Variants in USP34 observed in about 807,000 individuals in gnomAD.
USP34 encodes the protein ubiquitin carboxyl-terminal hydrolase 34.
Under a neutral mutation model 460.3 loss-of-function variants are expected in USP34, and 70 were observed. The observed-to-expected ratio is 0.15, with a 90% CI of 0.13 to 0.19. The LOEUF is 0.19. USP34 is among the 10% of genes least tolerant of loss of function. The probability of loss-of-function intolerance (pLI) is 1.00; values close to 1 mark genes in which losing one functional copy is unlikely to be tolerated. For synonymous variants in USP34, 1,647 were observed against 1,405.3 expected (o/e 1.17, Z -3.85); for missense variants, 3,985 against 4,236.2 (o/e 0.94, Z 1.65).
intron 35 of USP34, among the ~76,000 whole-genome samples, chr2:61,283,908 T>C (rs1268951434): frequency 7.8e-6 from 1 of 128,988 alleles, no homozygotes; most frequent in Non-Finnish European, 1.6e-5. Context: ...GAATAATGGT[T>C]ACCAGAGGCT....
intron 1 of USP34, among the ~76,000 whole-genome samples, chr2:61,422,584 T>G (rs964799531): frequency 2.6e-5 from 4 of 152,248 alleles, no homozygotes; most frequent in Non-Finnish European, 5.9e-5. Flanking sequence ...GTGGTCACTT[T>G]CACAATTTCT....
chr2:61,193,068 T>C (rs1282357894), intron 75 of USP34, 88 bp from the exon 76 acceptor site: 2 of 1,025,434 alleles, frequency 2.0e-6, no homozygotes, highest in Non-Finnish European at 2.9e-6. Flanking sequence ...ATTACAGCTA[T>C]TTCTAGTCAT....
At chr2:61,270,594 C>A (rs980047530) in intron 41 of USP34, among the ~76,000 whole-genome samples, 1 of 152,154 alleles carries the variant, frequency 6.6e-6, no homozygotes, top group Admixed American at 6.5e-5. Flanking sequence ...CACCGCCATG[C>A]CTGGCTAATT....
At chr2:61,400,151 C>G (rs1693670870) in intron 3 of USP34, among the ~76,000 whole-genome samples, 1 of 151,078 alleles carries the variant, frequency 6.6e-6, no homozygotes, top group Admixed American at 6.6e-5. Flanking sequence ...ATTCTGTTGC[C>G]CAGGCTGGAG....
chr2:61,216,467 G>C (rs926742488), intron 67 of USP34, among the ~76,000 whole-genome samples: 3 of 152,014 alleles, frequency 2.0e-5, no homozygotes, highest in Non-Finnish European at 2.9e-5. Flanking sequence ...AGGCGTGGTG[G>C]TGAGCGCCTG....
chr2:61,235,997 C>CA (rs1277800526), intron 56 of USP34, 29 bp downstream of exon 56: 10 of 1,597,306 alleles, frequency 6.3e-6, no homozygotes, highest in Admixed American at 3.6e-5. Context: ...ACATAAATGA[C>CA]AAAAAAATCC....
chr2:61,292,377 C>A (rs1221524547), intron 33 of USP34, among the ~76,000 whole-genome samples: 1 of 152,112 alleles, frequency 6.6e-6, no homozygotes, highest in Non-Finnish European at 1.5e-5. Flanking sequence ...GCATCTTGGG[C>A]ATTATAAAGC....
intron 33 of USP34, 111 bp downstream of exon 33, chr2:61,293,353 C>A: frequency 3.0e-6 from 2 of 676,754 alleles, no homozygotes; most frequent in South Asian, 2.7e-5. Flanking sequence ...TGCTATATTC[C>A]ATACTTTATT....
At chr2:61,312,319 G>A (rs1012596422) in intron 25 of USP34, among the ~76,000 whole-genome samples, 1 of 151,838 alleles carries the variant, frequency 6.6e-6, no homozygotes, top group African/African-American at 2.4e-5. Context: ...TTCAGGGACA[G>A]AAACATTCTG....
chr2:61,446,955 C>T (rs1231212822), intron 1 of USP34, among the ~76,000 whole-genome samples: 1 of 151,832 alleles, frequency 6.6e-6, no homozygotes, highest in Non-Finnish European at 1.5e-5. Flanking sequence ...CATTACACAG[C>T]ATCAGAAAAT....
At chr2:61,373,762 C>A (rs1173616224) in intron 8 of USP34, among the ~76,000 whole-genome samples, 2 of 152,098 alleles carry the variant, frequency 1.3e-5, no homozygotes, top group Non-Finnish European at 2.9e-5. Context: ...AACCCTTGGC[C>A]CTACAGGAAA....
chr2:61,395,517 G>A (rs529906122), intron 3 of USP34, among the ~76,000 whole-genome samples: 1 of 147,760 alleles, frequency 6.8e-6, no homozygotes, highest in Non-Finnish European at 1.5e-5. Flanking sequence ...TTAAAATCCC[G>A]GCCGGACGCG....
chr2:61,272,287 T>C (rs898139362), intron 41 of USP34, among the ~76,000 whole-genome samples: 2 of 151,916 alleles, frequency 1.3e-5, no homozygotes, highest in Non-Finnish European at 2.9e-5. Context: ...GGCGGGCACC[T>C]GTAGTCCCAG....
Position 61,266,217 on chromosome 2 carries a change from T to G in USP34, c.5434-50A>C, listed in dbSNP as rs746667115. On this transcript the variant is annotated intron_variant, in intron 41 of 79. Coordinates refer to ENST00000398571, the MANE Select transcript of USP34 (RefSeq NM_014709.4). ...ATCTAAACTGAGATATTAATTACAT[T>G]CCAAATATAGTTAACATATACACAG... 6 of 1,520,800 alleles carry G rather than the reference T, an allele frequency of 3.9e-6. 1 individual carries two copies. The South Asian group carries it at 7.3e-5, about 19-fold the overall frequency. The allele number at this position is 1,520,800 out of a possible 1,614,324, so 94.2% of individuals were successfully genotyped here.
chr2:61,295,343 AAG>A (rs1175194629), intron 30 of USP34, 53 bp from the exon 31 acceptor site: 46 of 1,530,670 alleles, frequency 3.0e-5, no homozygotes, highest in Non-Finnish European at 5.2e-6. Context: ...GAACACAAAA[AAG>A]AAAAACTTTA....
At chr2:61,260,360 C>A (rs1353310939) in intron 43 of USP34, among the ~76,000 whole-genome samples, 1 of 152,124 alleles carries the variant, frequency 6.6e-6, no homozygotes, top group Non-Finnish European at 1.5e-5. Flanking sequence ...CATATTCATG[C>A]AAGGTACTTA....
At chr2:61,196,555 C>T (rs1197671807) in intron 75 of USP34, among the ~76,000 whole-genome samples, 1 of 151,394 alleles carries the variant, frequency 6.6e-6, no homozygotes, top group Non-Finnish European at 1.5e-5. Flanking sequence ...CCTTTCTAGA[C>T]AGTCTCACTC....
chr2:61,282,991 G>C (rs1275548565), intron 37 of USP34, among the ~76,000 whole-genome samples, 154 bp downstream of exon 37: 2 of 152,090 alleles, frequency 1.3e-5, no homozygotes, highest in Non-Finnish European at 2.9e-5. Flanking sequence ...ATTGTACATA[G>C]TTCAAAACAC....
intron 62 of USP34, among the ~76,000 whole-genome samples, chr2:61,223,896 G>C (rs1480253883): frequency 6.6e-6 from 1 of 152,092 alleles, no homozygotes; most frequent in East Asian, 1.9e-4. Context: ...TATTCCATCA[G>C]TCAGCTTCAA....
Sources: allele counts gnomAD v4.1 joint callset (sites outside exome capture counted in the v4.1 genomes callset), GRCh38; gene constraint gnomAD v4.1.1; transcripts MANE v1.5; gene names NCBI Gene and HGNC (gene_info 2026-07-23, HGNC 2026-07-21).